TAF1: variants seen among roughly 807,000 people sequenced by gnomAD.
The protein encoded by TAF1 is TATA-box binding protein associated factor 1.
TAF1 carries 2 observed loss-of-function variants against 138.5 expected under a neutral mutation model. That is an observed-to-expected ratio of 0.01 (90% CI 0.01 to 0.05). The LOEUF (loss-of-function observed/expected upper bound fraction) is 0.05, where lower values mean the gene tolerates loss of function less well. Among genes scored for constraint, TAF1 ranks in the 10% least tolerant of loss-of-function variants. The pLI, the probability that TAF1 is intolerant of heterozygous loss-of-function variation, is 1.00. For synonymous variants in TAF1, 437 were observed against 503.2 expected, an observed-to-expected ratio of 0.87 and a Z score of 1.76; for missense variants, 709 against 1,478.0, an observed-to-expected ratio of 0.48 and a Z score of 8.53.
intron 28 of TAF1, among the ~76,000 whole-genome samples, chrX:71,410,183 G>T (rs1252189900): frequency 9.0e-6 from 1 of 110,519 alleles, no homozygotes; most frequent in African/African-American, 3.3e-5. Flanking sequence ...GAACCACCGC[G>T]CCCGGCCGCA....
intron 6 of TAF1, 131 bp from the exon 7 acceptor site, chrX:71,378,104 G>T: frequency 1.5e-6 from 1 of 688,355 alleles, no homozygotes; most frequent in Admixed American, 3.4e-5. Flanking sequence ...CATCTCCATT[G>T]TTTACATTCT....
downstream of TAF1, among the ~76,000 whole-genome samples, chrX:71,467,086 CTT>C (rs756449044): frequency 6.3e-4 from 41 of 65,284 alleles, no homozygotes; most frequent in African/African-American, 1.5e-3. Flanking sequence ...GGAGGGCATT[CTT>C]TTTTTTTTTT....
chrX:71,443,207 A>G (rs945806711), intron 32 of TAF1, among the ~76,000 whole-genome samples: 2 of 111,897 alleles, frequency 1.8e-5, no homozygotes, highest in African/African-American at 6.5e-5. Context: ...GAAAGTCATT[A>G]GTAGCTTGAT....
At chrX:71,408,777 G>A (rs968330529) in intron 28 of TAF1, among the ~76,000 whole-genome samples, 30 of 111,456 alleles carry the variant, frequency 2.7e-4, no homozygotes, top group African/African-American at 9.4e-4. Context: ...TGTAATCCCA[G>A]CACTTTGGGA....
intron 24 of TAF1, among the ~76,000 whole-genome samples, chrX:71,400,264 T>A (rs1325643635): frequency 9.1e-6 from 1 of 110,272 alleles, no homozygotes; most frequent in Admixed American, 9.8e-5. Flanking sequence ...TAATTTTTTG[T>A]ATTTTTAGTA....
At chrX:71,434,313 A>G (rs777489924) in intron 32 of TAF1, among the ~76,000 whole-genome samples, 1 of 112,879 alleles carries the variant, frequency 8.9e-6, no homozygotes, top group African/African-American at 3.2e-5. Flanking sequence ...TCTCTACTTT[A>G]AAATTTTTAT....
chrX:71,504,779 GAA>G (rs1288643238), intron 13 of TAF1, among the ~76,000 whole-genome samples: 2 of 61,828 alleles, frequency 3.2e-5, no homozygotes, highest in Non-Finnish European at 6.1e-5. Context: ...AAAAAGAAAA[GAA>G]AAAAGAAAAA....
rs753030518 is a variant in TAF1, at chrX:71,445,151, T to C, written c.4754-9019T>C. On this transcript the variant is annotated intron_variant, in intron 32 of 37. Coordinates refer to ENST00000423759, the MANE Select transcript of TAF1 (RefSeq NM_004606.5). The stretch of plus-strand genomic sequence containing the variant: ...CTCTACTAAAAATACAAAAAAAAAA[T>C]TAGGTGGGTGTGGTGGTGCACATTT... 2.9e-4 allele frequency among the ~76,000 whole-genome samples: 31 copies of C among 108,565 alleles called. 1 individual carries two copies. The highest frequency in any genetic ancestry group is 4.7e-3 in the Middle Eastern group (1 of 211). 94.3% of individuals were successfully genotyped at this position (108,565 alleles called of 115,157 possible).
intron 13 of TAF1, among the ~76,000 whole-genome samples, chrX:71,503,320 A>ATATATATG (rs767650198): frequency 2.3e-5 from 2 of 88,714 alleles, no homozygotes; most frequent in African/African-American, 1.0e-4. Context: ...ATATATATAT[A>ATATATATG]TGTGTGTGTA....
At chrX:71,420,409 C>T in intron 28 of TAF1, 2 of 1,210,526 alleles carry the variant, frequency 1.7e-6, no homozygotes, top group Non-Finnish European at 2.2e-6. Flanking sequence ...ACACGGTTGA[C>T]TGAACCACAG....
chrX:71,392,572 C>T lies in TAF1; in HGVS notation c.2785C>T (p.Arg929Cys). The change falls in exon 19 of 38, where the codon CGC (arginine) becomes TGC (cysteine). Residue 929 changes from arginine (R) to cysteine (C), a missense_variant. Coordinates refer to ENST00000423759, the MANE Select transcript of TAF1 (RefSeq NM_004606.5). ...DFQMKIDDEV[R>C]TAPWNTTRAF... Reference sequence around the variant, plus strand: ...AGAATCTTTTTCTTTATCTCAGGTTCGCACTGCCCCTTGGAACACCACAAG... The same window carrying T: ...AGAATCTTTTTCTTTATCTCAGGTTTGCACTGCCCCTTGGAACACCACAAG... 1.7e-6 allele frequency: 2 copies of T among 1,162,399 alleles called. No homozygotes were observed. The highest frequency in any genetic ancestry group is 2.3e-6 in the Non-Finnish European group (2 of 875,074).
chrX:71,366,923 C>T (rs935281324), intron 1 of TAF1, among the ~76,000 whole-genome samples: 4 of 112,024 alleles, frequency 3.6e-5, no homozygotes, highest in Admixed American at 2.8e-4. Context: ...GTTCCGGCCT[C>T]AGGCTTAGGA....
intron 37 of TAF1, 113 bp downstream of exon 37, chrX:71,460,916 G>A: frequency 9.6e-7 from 1 of 1,038,385 alleles, no homozygotes. Context: ...GCACCTACTA[G>A]GGCCAGGCAC....
chrX:71,512,842 C>G (rs1341285816), intron 13 of TAF1, among the ~76,000 whole-genome samples: 3 of 111,342 alleles, frequency 2.7e-5, no homozygotes, highest in African/African-American at 6.5e-5. Flanking sequence ...ATAGTACATA[C>G]AGAATAACTA....
At chrX:71,394,271 A>T in intron 22 of TAF1, 26 bp downstream of exon 22, 1 of 1,169,772 alleles carries the variant, frequency 8.5e-7, no homozygotes, top group Non-Finnish European at 1.1e-6. Flanking sequence ...TCACAGACAG[A>T]TAAAAAAGAG....
At chrX:71,454,005 C>T (rs1232707360) in intron 32 of TAF1, among the ~76,000 whole-genome samples, 165 bp from the exon 33 acceptor site, 1 of 111,864 alleles carries the variant, frequency 8.9e-6, no homozygotes, top group Non-Finnish European at 1.9e-5. Context: ...TGTTGTATTG[C>T]ATATGTTTGG....
chrX:71,428,222 G>A (rs1372991047), intron 32 of TAF1, among the ~76,000 whole-genome samples: 1 of 108,970 alleles, frequency 9.2e-6, no homozygotes, highest in Non-Finnish European at 1.9e-5. Flanking sequence ...CACCATCTTG[G>A]CCAGGCTGGT....
chrX:71,375,810 A>G (rs1427033682), intron 4 of TAF1, among the ~76,000 whole-genome samples: 1 of 112,399 alleles, frequency 8.9e-6, no homozygotes, highest in Non-Finnish European at 1.9e-5. Context: ...TTGGTCTTCC[A>G]AAGTGCTGGG....
intron 28 of TAF1, chrX:71,420,447 GC>G: frequency 8.3e-7 from 1 of 1,210,109 alleles, no homozygotes; most frequent in Non-Finnish European, 1.1e-6. Flanking sequence ...CAGCTCTTCT[GC>G]TGTTGCACCA....
Sources: allele counts gnomAD v4.1 joint callset (sites outside exome capture counted in the v4.1 genomes callset), GRCh38; gene constraint gnomAD v4.1.1; transcripts MANE v1.5; gene names NCBI Gene and HGNC (gene_info 2026-07-23, HGNC 2026-07-21).